MCTP2: variants seen among roughly 807,000 people sequenced by gnomAD.
The protein encoded by MCTP2 is multiple C2 and transmembrane domain-containing protein 2.
MCTP2 carries 132 observed loss-of-function variants against 111.6 expected under a neutral mutation model. The observed-to-expected ratio is 1.18, with a 90% CI of 1.03 to 1.37. The LOEUF is 1.37. MCTP2 is among the 40% of genes most tolerant of loss of function. The probability of loss-of-function intolerance (pLI) is 0.00; values close to 1 mark genes in which losing one functional copy is unlikely to be tolerated. For synonymous variants in MCTP2, 395 were observed against 387.7 expected (o/e 1.02, Z -0.22); for missense variants, 1,183 against 1,067.9 (o/e 1.11, Z -1.50).
At chr15:94,234,074 C>T (rs918862187) in intron 1 of MCTP2, among the ~76,000 whole-genome samples, 3 of 152,042 alleles carry the variant, frequency 2.0e-5, no homozygotes. Context: ...AACAGCCAGA[C>T]ACCTTAAACT....
intron 1 of MCTP2, among the ~76,000 whole-genome samples, chr15:94,288,150 T>G (rs1439055232): frequency 6.6e-6 from 1 of 152,180 alleles, no homozygotes; most frequent in African/African-American, 2.4e-5. Flanking sequence ...GTTTTTTAAT[T>G]TGTTTTGTTT....
chr15:94,386,802 AAAAACAAAAC>A (rs71135511), intron 14 of MCTP2, among the ~76,000 whole-genome samples: 1 of 150,970 alleles, frequency 6.6e-6, no homozygotes, highest in South Asian at 2.1e-4. Flanking sequence ...AACATGACTT[AAAAACAAAAC>A]AAAACAAAAC....
chr15:94,245,134 ATATATT>A (rs1273497559), intron 1 of MCTP2, among the ~76,000 whole-genome samples: 2 of 148,896 alleles, frequency 1.3e-5, no homozygotes, highest in East Asian at 4.0e-4. Context: ...ACACATGTGT[ATATATT>A]TATACACACA....
intron 20 of MCTP2, among the ~76,000 whole-genome samples, chr15:94,459,567 G>A (rs2085060046): frequency 6.6e-6 from 1 of 152,084 alleles, no homozygotes; most frequent in Non-Finnish European, 1.5e-5. Flanking sequence ...AATAATTTTT[G>A]CTCACAGATA....
At chr15:94,325,209 G>C (rs62016094) in intron 4 of MCTP2, among the ~76,000 whole-genome samples, 1 of 152,080 alleles carries the variant, frequency 6.6e-6, no homozygotes, top group Non-Finnish European at 1.5e-5. Flanking sequence ...CCATGAGCCT[G>C]CTAGGCTTGC....
At chr15:94,262,464 T>C (rs954511272) in intron 1 of MCTP2, among the ~76,000 whole-genome samples, 5 of 152,236 alleles carry the variant, frequency 3.3e-5, no homozygotes, top group Non-Finnish European at 7.3e-5. Flanking sequence ...AATTTAACTT[T>C]AATTGTTAAA....
intron 10 of MCTP2, among the ~76,000 whole-genome samples, chr15:94,364,335 G>A (rs2079079883): frequency 6.6e-6 from 1 of 152,070 alleles, no homozygotes; most frequent in African/African-American, 2.4e-5. Context: ...GCCCATAACA[G>A]GGAAAGGCTA....
In MCTP2 at chr15:94,464,228, TTTATATATATAATATATATATATATATA is replaced by T. The variant is rs980625504; in HGVS notation, c.2360+5994_2360+6021del. On this transcript the variant is annotated intron_variant, in intron 20 of 22. Transcript: ENST00000357742. ...ATGATTTTGCATGAAATATTATATG[TTTATATATATAATATATATATATATATA>T]TTATATATATATATATATATATAAA... 5.0e-4 allele frequency among the ~76,000 whole-genome samples: 40 copies of T among 80,018 alleles called. 2 individuals carry two copies. In the East Asian group the frequency reaches 0.01, roughly 20 times the overall value. 52.5% of individuals were successfully genotyped at this position (80,018 alleles called of 152,430 possible).
At chr15:94,261,546 T>A (rs1386039932) in intron 1 of MCTP2, among the ~76,000 whole-genome samples, 1 of 152,214 alleles carries the variant, frequency 6.6e-6, no homozygotes, top group African/African-American at 2.4e-5. Context: ...AAATTACGTC[T>A]GTAACATGTG....
At chr15:94,467,748 A>G (rs1048864291) in intron 20 of MCTP2, among the ~76,000 whole-genome samples, 2 of 152,222 alleles carry the variant, frequency 1.3e-5, no homozygotes, top group Non-Finnish European at 2.9e-5. Flanking sequence ...ATTTCTTGCC[A>G]TGCTGAACTG....
intron 1 of MCTP2, among the ~76,000 whole-genome samples, chr15:94,245,379 T>TATATATATTTACATAC (rs1567264877): frequency 1.1e-4 from 14 of 129,940 alleles, no homozygotes; most frequent in African/African-American, 3.7e-4. Context: ...CATACATATG[T>TATATATATTTACATAC]ATATGTATTT....
intron 1 of MCTP2, among the ~76,000 whole-genome samples, chr15:94,274,737 A>G (rs1318290450): frequency 1.3e-5 from 2 of 152,266 alleles, no homozygotes; most frequent in Admixed American, 6.5e-5. Context: ...AAAAATCTTC[A>G]CATATATACA....
At chr15:94,402,246 C>T (rs534247782) in intron 17 of MCTP2, 8 of 950,088 alleles carry the variant, frequency 8.4e-6, no homozygotes, top group Non-Finnish European at 8.8e-6. Context: ...AATGTTTCTC[C>T]AGTTGTTGTT....
At chr15:94,426,643 A>G (rs772033963) in intron 17 of MCTP2, among the ~76,000 whole-genome samples, 1 of 152,126 alleles carries the variant, frequency 6.6e-6, no homozygotes, top group Non-Finnish European at 1.5e-5. Context: ...TGACTGTAAT[A>G]TCTAAATCAC....
intron 1 of MCTP2, among the ~76,000 whole-genome samples, chr15:94,266,078 G>GCA (rs948029092): frequency 8.2e-4 from 48 of 58,218 alleles, no homozygotes; most frequent in Middle Eastern, 0.02. Context: ...ATGCGTGTGC[G>GCA]CGCACACACA....
At chr15:94,328,724 C>T (rs1316369427) in intron 4 of MCTP2, among the ~76,000 whole-genome samples, 1 of 152,164 alleles carries the variant, frequency 6.6e-6, no homozygotes, top group Admixed American at 6.5e-5. Context: ...CCTTGAATCT[C>T]AGTAGCAACC....
intron 16 of MCTP2, among the ~76,000 whole-genome samples, chr15:94,401,191 G>T (rs763953705): frequency 6.6e-6 from 1 of 152,034 alleles, no homozygotes; most frequent in African/African-American, 2.4e-5. Flanking sequence ...AGGACCCTCC[G>T]CACGTGCCTC....
rs932778774 is a variant in MCTP2 at position 94,388,096 on chromosome 15, A to G, written c.1788+2571A>G. 2.0e-5 allele frequency among the ~76,000 whole-genome samples: 3 copies of G among 152,166 alleles called. No individual in the cohort carries two copies. The South Asian group carries it at 6.2e-4, about 32-fold the overall frequency. ...GTGAAAAAGGTTGAAGTACTTTGGC[A>G]TTTTCATCGTGGGGGATGGGAAACC... On this transcript the variant is annotated intron_variant, in intron 14 of 22. Coordinates refer to ENST00000357742, the MANE Select transcript of MCTP2 (RefSeq NM_001385001.1).
At position 94,479,250 on chromosome 15, in the gene MCTP2, G is replaced by C; in HGVS notation, c.*216G>C. Reference sequence around the variant, plus strand: ...TAGTTGCGTAGAGGGTCAGCCCAGCGAAAAGCAACAACCCCAAGACTGTGA... The same window carrying C: ...TAGTTGCGTAGAGGGTCAGCCCAGCCAAAAGCAACAACCCCAAGACTGTGA... On this transcript the variant is annotated 3_prime_UTR_variant, in exon 23 of 23. Transcript: ENST00000357742. The C allele has an allele frequency of 1.7e-6, 1 of 580,364 alleles. No homozygotes were observed. Among genetic ancestry groups the C allele is most frequent in the Non-Finnish European group, 3.1e-6 (1 of 322,146 alleles). 36.0% of individuals were successfully genotyped at this position (580,364 alleles called of 1,614,324 possible). A position where few individuals can be genotyped will look rare whatever the true frequency, so the allele number is the denominator to read the frequency against.
Sources: allele counts gnomAD v4.1 joint callset (sites outside exome capture counted in the v4.1 genomes callset), GRCh38; gene constraint gnomAD v4.1.1; transcripts MANE v1.5; gene names NCBI Gene and HGNC (gene_info 2026-07-23, HGNC 2026-07-21).